TAFA2: variants seen among roughly 807,000 people sequenced by gnomAD.
The protein encoded by TAFA2 is chemokine-like protein TAFA-2.
Under a neutral mutation model 18.8 loss-of-function variants are expected in TAFA2, and 7 were observed. The ratio of observed to expected loss-of-function variants is 0.37; its 90% CI spans 0.21 to 0.70. The LOEUF is 0.70. Ranked by LOEUF, TAFA2 falls within the 30% of genes least tolerant of loss-of-function variation. TAFA2 has a pLI of 0.53. For missense variants in TAFA2, 122 were observed against 158.1 expected (o/e 0.77, Z 1.23); for synonymous variants, 60 against 54.2 (o/e 1.11, Z -0.47).
intron 1 of TAFA2, among the ~76,000 whole-genome samples, chr12:62,006,804 C>A (rs1417262570): frequency 6.6e-6 from 1 of 152,038 alleles, no homozygotes; most frequent in African/African-American, 2.4e-5. Context: ...ATTAGTAAGC[C>A]CCCATCAACC....
intron 2 of TAFA2, among the ~76,000 whole-genome samples, chr12:61,865,734 A>T (rs1288759924): frequency 6.6e-6 from 1 of 152,218 alleles, no homozygotes; most frequent in Non-Finnish European, 1.5e-5. Flanking sequence ...TGATTCTCTA[A>T]GAGACCCCAT....
chr12:62,190,477 G>A (rs550558010), intron 1 of TAFA2, among the ~76,000 whole-genome samples: 1 of 152,296 alleles, frequency 6.6e-6, no homozygotes, highest in East Asian at 1.9e-4. Context: ...GGTACTAGTA[G>A]CAAGATCCGG....
intron 1 of TAFA2, among the ~76,000 whole-genome samples, chr12:62,082,231 T>C (rs1868335815): frequency 6.6e-6 from 1 of 152,230 alleles, no homozygotes; most frequent in Non-Finnish European, 1.5e-5. Flanking sequence ...TCTTTGCTAT[T>C]GTGAGTAGTG....
intron 1 of TAFA2, among the ~76,000 whole-genome samples, chr12:62,048,515 T>C (rs1341342437): frequency 6.6e-6 from 1 of 152,168 alleles, no homozygotes. Flanking sequence ...TCAATACTCA[T>C]GGAATACTGG....
At chr12:62,154,334 T>C (rs1029812389) in intron 1 of TAFA2, among the ~76,000 whole-genome samples, 2 of 152,144 alleles carry the variant, frequency 1.3e-5, no homozygotes, top group Admixed American at 6.6e-5. Context: ...AGAAGCTTTT[T>C]TGGAGGAGAC....
intron 2 of TAFA2, among the ~76,000 whole-genome samples, chr12:61,838,227 T>G (rs1314680425): frequency 6.6e-6 from 1 of 151,930 alleles, no homozygotes; most frequent in African/African-American, 2.4e-5. Flanking sequence ...GATAAAGGCA[T>G]AGACAGAAGG....
At chr12:62,254,728 C>T (rs1565789318) in intron 1 of TAFA2, among the ~76,000 whole-genome samples, 1 of 152,128 alleles carries the variant, frequency 6.6e-6, no homozygotes, top group African/African-American at 2.4e-5. Context: ...CTATAGTGTC[C>T]TGTTGCTTAG....
chr12:61,963,651 G>T (rs993112815), intron 1 of TAFA2, among the ~76,000 whole-genome samples: 2 of 151,508 alleles, frequency 1.3e-5, no homozygotes, highest in African/African-American at 2.4e-5. Context: ...TTGCCATACT[G>T]CCCAAAGTAA....
chr12:61,905,525 T>A (rs1307976547), intron 1 of TAFA2, among the ~76,000 whole-genome samples: 3 of 152,218 alleles, frequency 2.0e-5, no homozygotes, highest in African/African-American at 4.8e-5. Context: ...GGATTAGGTT[T>A]AATATTTTTT....
rs566081590 is a variant in TAFA2 at position 61,889,104 on chromosome 12, C to T, written c.-1-21678G>A. Among the ~76,000 whole-genome samples the T allele has an allele frequency of 3.9e-5, 6 of 152,160 alleles. No homozygotes were observed. In the East Asian group the frequency reaches 7.7e-4, roughly 20 times the overall value. ...TCCCGTCTACAGAGTGGACATAATG[C>T]TGGACTCTACCCAATAGAAGTAACA... On this transcript the variant is annotated intron_variant, in intron 1 of 4. Transcript: ENST00000416284.
chr12:62,011,540 T>A (rs1880765643), intron 1 of TAFA2, among the ~76,000 whole-genome samples: 1 of 152,110 alleles, frequency 6.6e-6, no homozygotes, highest in Non-Finnish European at 1.5e-5. Context: ...AAACAGATGC[T>A]TGAAGGCAGC....
rs533875073 is a variant in TAFA2 at position 61,992,572 on chromosome 12, G to A, written c.-1-125146C>T. Among the ~76,000 whole-genome samples, 5 of 152,148 alleles carry A rather than the reference G, an allele frequency of 3.3e-5. No individual in the cohort carries two copies. In the East Asian group the frequency reaches 7.7e-4, roughly 23 times the overall value. On this transcript the variant is annotated intron_variant, in intron 1 of 4. Transcript: ENST00000416284. ...TTGATATAAGTCAAACTGTGTCACT[G>A]CTCCCCTCAAAATGTCTAAATGGTT...
chr12:62,237,260 C>T lies in TAFA2; in HGVS notation c.-130+21503G>A, dbSNP rs902793517. Among the ~76,000 whole-genome samples, 6 of 152,192 alleles carry T rather than the reference C, an allele frequency of 3.9e-5. No individual in the cohort carries two copies. In the East Asian group the frequency reaches 1.2e-3, roughly 29 times the overall value. ...CGGTGGCTCACGCCTGTAATCCCAGCACTTTGGGAGGCCGAGGCGGGCAGA... is the reference window on the plus strand; with the variant it reads ...CGGTGGCTCACGCCTGTAATCCCAGTACTTTGGGAGGCCGAGGCGGGCAGA... On this transcript the variant is annotated intron_variant, in intron 1 of 5. Transcript: ENST00000551619.
intron 1 of TAFA2, among the ~76,000 whole-genome samples, chr12:61,888,914 T>C (rs1875508351): frequency 6.6e-6 from 1 of 152,214 alleles, no homozygotes; most frequent in Non-Finnish European, 1.5e-5. Flanking sequence ...AAAGGTGGAC[T>C]CAGTTATTTT....
In TAFA2 at chr12:62,235,171, C is replaced by T. The variant is rs2062831007; in HGVS notation, c.-130+23592G>A. 3 of 668,154 alleles carry T rather than the reference C, an allele frequency of 4.5e-6. No homozygotes were observed. In the Admixed American group the frequency reaches 5.5e-5, roughly 12 times the overall value. 41.4% of individuals were successfully genotyped at this position (668,154 alleles called of 1,614,324 possible). A position where few individuals can be genotyped will look rare whatever the true frequency, so the allele number is the denominator to read the frequency against. On this transcript the variant is annotated intron_variant, in intron 1 of 5. Transcript: ENST00000551619. ...ATCTCTTGCTGAGGGGGAGACACTCCCTGACAGTAAATCATCCGGAAAGGA... is the reference window on the plus strand; with the variant it reads ...ATCTCTTGCTGAGGGGGAGACACTCTCTGACAGTAAATCATCCGGAAAGGA...
intron 1 of TAFA2, among the ~76,000 whole-genome samples, chr12:61,947,518 A>G (rs1437433486): frequency 6.6e-6 from 1 of 152,154 alleles, no homozygotes; most frequent in Non-Finnish European, 1.5e-5. Context: ...TTTTATCTCA[A>G]GCTTCTCACA....
chr12:61,726,596 C>G lies in TAFA2; in HGVS notation c.385-16179G>C, dbSNP rs1592347509. On this transcript the variant is annotated intron_variant, in intron 4 of 4. Transcript: ENST00000416284. ...TGTACATTGATTTTGTATCCTGAAACTTTACTGAGTTCATTTTCAGATCTA... is the reference window on the plus strand; with the variant it reads ...TGTACATTGATTTTGTATCCTGAAAGTTTACTGAGTTCATTTTCAGATCTA... 2.0e-5 allele frequency among the ~76,000 whole-genome samples: 3 copies of G among 152,150 alleles called. No individual in the cohort carries two copies. The East Asian group carries it at 5.8e-4, about 29-fold the overall frequency.
rs188903100 is a variant in TAFA2, at chr12:61,960,009, G to A, written c.-1-92583C>T. Among the ~76,000 whole-genome samples, 443 of 151,924 alleles carry A rather than the reference G, an allele frequency of 2.9e-3. 4 individuals are homozygous for A. The highest frequency in any genetic ancestry group is 9.8e-3 in the African/African-American group (407 of 41,462). The stretch of plus-strand genomic sequence containing the variant: ...TCCACCTCTGTGTCCTGAGTAGCTT[G>A]GACTATAGGTGTATACCACCGGAAC... On this transcript the variant is annotated intron_variant, in intron 1 of 4. Coordinates refer to ENST00000416284, the MANE Select transcript of TAFA2 (RefSeq NM_178539.5).
intron 2 of TAFA2, among the ~76,000 whole-genome samples, chr12:61,761,796 G>T (rs753940819): frequency 6.6e-6 from 1 of 151,992 alleles, no homozygotes. Flanking sequence ...ATCTTATAAT[G>T]CCTGATATGG....
Sources: allele counts gnomAD v4.1 joint callset (sites outside exome capture counted in the v4.1 genomes callset), GRCh38; gene constraint gnomAD v4.1.1; transcripts MANE v1.5; gene names NCBI Gene and HGNC (gene_info 2026-07-23, HGNC 2026-07-21).